Variants in FGF12 observed in about 807,000 individuals in gnomAD.
The protein encoded by FGF12 is fibroblast growth factor 12.
Under a neutral mutation model 23.6 loss-of-function variants are expected in FGF12, and 14 were observed. The observed-to-expected ratio is 0.59, with a 90% CI of 0.39 to 0.93. The LOEUF (loss-of-function observed/expected upper bound fraction) is 0.93. Ranked by LOEUF, FGF12 falls within the 40% of genes least tolerant of loss-of-function variation. The pLI is 0.00. For missense variants in FGF12, 175 were observed against 217.8 expected (o/e 0.80, Z 1.24); for synonymous variants, 62 against 77.3 (o/e 0.80, Z 1.04).
chr3:192,161,331 T>C (rs1250608912), intron 5 of FGF12, among the ~76,000 whole-genome samples: 3 of 152,028 alleles, frequency 2.0e-5, no homozygotes, highest in Non-Finnish European at 4.4e-5. Context: ...ACTTGTAGAG[T>C]TGCTGTCCTT....
chr3:192,289,861 T>C (rs140001415), intron 4 of FGF12, among the ~76,000 whole-genome samples: 1 of 152,298 alleles, frequency 6.6e-6, no homozygotes, highest in East Asian at 1.9e-4. Context: ...AACCCAGTTA[T>C]AATAATTTAT....
At chr3:192,225,070 T>C (rs1718664184) in intron 4 of FGF12, among the ~76,000 whole-genome samples, 1 of 151,984 alleles carries the variant, frequency 6.6e-6, no homozygotes, top group African/African-American at 2.4e-5. Context: ...AATGAAGACT[T>C]GCCACAACTT....
At chr3:192,267,090 A>C (rs555763373) in intron 4 of FGF12, 1 of 152,324 alleles carries the variant, frequency 6.6e-6, no homozygotes, top group Non-Finnish European at 1.5e-5. Flanking sequence ...ATTGCTTTCT[A>C]AATAATGACA....
At chr3:192,392,464 C>T (rs955996805) in intron 2 of FGF12, among the ~76,000 whole-genome samples, 1 of 140,068 alleles carries the variant, frequency 7.1e-6, no homozygotes, top group Admixed American at 7.3e-5. Context: ...GGCATGGTGG[C>T]GCATGCCTGT....
Position 192,393,159 on chromosome 3 carries a change from C to T in FGF12, c.14-32621G>A, listed in dbSNP as rs982583021. On this transcript the variant is annotated intron_variant, in intron 2 of 5. Transcript: ENST00000445105. ...GGCCTATGTCATTGGTAAGGTGACT[C>T]ATCCAACAAATATATTTTATGTGAC... Among the ~76,000 whole-genome samples, 5 of 152,310 alleles carry T rather than the reference C, an allele frequency of 3.3e-5. 1 individual carries two copies.
chr3:192,416,714 C>T (rs982159631), intron 2 of FGF12, among the ~76,000 whole-genome samples: 3 of 152,030 alleles, frequency 2.0e-5, no homozygotes, highest in Admixed American at 6.6e-5. Context: ...AATAAAAATC[C>T]GTCACTCACT....
intron 2 of FGF12, among the ~76,000 whole-genome samples, chr3:192,458,633 C>T (rs138410888): frequency 1.3e-5 from 2 of 152,108 alleles, no homozygotes; most frequent in Admixed American, 6.6e-5. Flanking sequence ...AACTAGCTTG[C>T]TTTTGATTTT....
At position 192,165,517 on chromosome 3, in the gene FGF12, ATTTTTT is replaced by A. The variant is rs72495238; in HGVS notation, c.427+4935_427+4940del. ...AGAACTTTAGAAATCATCTGGTCCA[ATTTTTT>A]TTTTTTTTTTTGCTGAGTGGAAATA... On this transcript the variant is annotated intron_variant, in intron 5 of 5. Transcript: ENST00000445105. Among the ~76,000 whole-genome samples the A allele has an allele frequency of 1.1e-3, 167 of 145,802 alleles. 1 individual carries two copies. Among genetic ancestry groups the A allele is most frequent in the Admixed American group, 4.9e-3 (72 of 14,688 alleles).
At chr3:192,388,333 G>T (rs115385876) in intron 2 of FGF12, among the ~76,000 whole-genome samples, 2,086 of 152,118 alleles carry the variant, frequency 0.014, 21 homozygotes, top group Non-Finnish European at 0.02. Flanking sequence ...AATCCAAATC[G>T]TTATAATACA....
intron 2 of FGF12, among the ~76,000 whole-genome samples, chr3:192,569,091 T>G (rs1318302456): frequency 1.3e-5 from 2 of 152,204 alleles, no homozygotes; most frequent in Non-Finnish European, 2.9e-5. Flanking sequence ...GTTAAGTGCC[T>G]TGGATAAAGT....
chr3:192,633,509 C>T (rs2108658275), intron 2 of FGF12, among the ~76,000 whole-genome samples: 1 of 152,176 alleles, frequency 6.6e-6, no homozygotes, highest in Admixed American at 6.5e-5. Context: ...AAAAGATTCC[C>T]CCAAATCACA....
rs754819641 is a variant in FGF12 at position 192,140,728 on chromosome 3, T to C, written c.*3281A>G. On this transcript the variant is annotated 3_prime_UTR_variant, in exon 6 of 6. Coordinates refer to ENST00000445105, the MANE Select transcript of FGF12 (RefSeq NM_004113.6). ...GAGGCCCATAAAGCATCACATTGCA[T>C]TACATTGATATCTCTTTATTGCGCC... The C allele has an allele frequency of 1.6e-4, 24 of 151,972 alleles. No homozygotes were observed. Among genetic ancestry groups the C allele is most frequent in the Non-Finnish European group, 2.8e-4 (19 of 67,858 alleles). 9.4% of individuals were successfully genotyped at this position (151,972 alleles called of 1,614,324 possible). A position where few individuals can be genotyped will look rare whatever the true frequency, so the allele number is the denominator to read the frequency against.
At chr3:192,357,308 C>A (rs894148406) in intron 3 of FGF12, among the ~76,000 whole-genome samples, 5 of 151,746 alleles carry the variant, frequency 3.3e-5, no homozygotes, top group Non-Finnish European at 5.9e-5. Context: ...ATGGTGAAAC[C>A]CCATCTCTAC....
chr3:192,387,555 A>G (rs1340855499), intron 2 of FGF12, among the ~76,000 whole-genome samples: 1 of 152,138 alleles, frequency 6.6e-6, no homozygotes, highest in Non-Finnish European at 1.5e-5. Flanking sequence ...CAGTAAAACA[A>G]TAACAAAACA....
At chr3:192,184,642 C>A (rs962751874) in intron 4 of FGF12, among the ~76,000 whole-genome samples, 22 of 152,224 alleles carry the variant, frequency 1.4e-4, no homozygotes, top group Non-Finnish European at 2.9e-5. Flanking sequence ...CCTAATGATG[C>A]TATCAATGCA....
intron 4 of FGF12, 47 bp from the exon 5 acceptor site, chr3:192,170,703 G>A: frequency 1.3e-6 from 2 of 1,505,064 alleles, no homozygotes; most frequent in Non-Finnish European, 1.8e-6. Context: ...ATGATTTAAA[G>A]GTGAATCAGC....
intron 2 of FGF12, among the ~76,000 whole-genome samples, chr3:192,686,410 C>T (rs58215307): frequency 9.8e-4 from 149 of 152,206 alleles, no homozygotes; most frequent in African/African-American, 3.5e-3. Context: ...TGGAAGACAT[C>T]CCACACCACT....
chr3:192,287,533 T>C (rs959309932), intron 4 of FGF12, among the ~76,000 whole-genome samples: 1 of 152,014 alleles, frequency 6.6e-6, no homozygotes, highest in African/African-American at 2.4e-5. Flanking sequence ...CTCCGAAAGC[T>C]AGCACAGATG....
chr3:192,322,951 C>A (rs570893918), intron 4 of FGF12, among the ~76,000 whole-genome samples: 69 of 152,238 alleles, frequency 4.5e-4, no homozygotes, highest in African/African-American at 1.6e-3. Flanking sequence ...TTACAAATGG[C>A]AGACAGGTAT....
Sources: gnomAD v4.1 joint callset for allele counts (sites outside exome capture counted in the v4.1 genomes callset) on GRCh38, gnomAD v4.1.1 for gene constraint, MANE v1.5 for transcripts, NCBI Gene and HGNC (gene_info 2026-07-23, HGNC 2026-07-21) for gene names.